Variants in COL5A1 observed in about 807,000 individuals in gnomAD.
COL5A1 encodes the protein collagen type V alpha 1 chain, also known as collagen alpha-1(V) chain.
In COL5A1, 16 loss-of-function variants were observed where a neutral mutation model predicts 263.7. The observed-to-expected ratio is 0.06, with a 90% CI of 0.04 to 0.09. The LOEUF is 0.09. Among genes scored for constraint, COL5A1 ranks in the 10% least tolerant of loss-of-function variants. The pLI is 1.00. For synonymous variants in COL5A1, 1,012 were observed against 1,004.5 expected (o/e 1.01, Z -0.14); for missense variants, 2,036 against 2,540.5 (o/e 0.80, Z 4.27).
Position 134,765,601 on chromosome 9 carries a change from G to A in COL5A1, c.2035-80G>A. 1.5e-6 allele frequency: 2 copies of A among 1,324,716 alleles called. No individual in the cohort carries two copies. Among genetic ancestry groups the A allele is most frequent in the East Asian group, 2.3e-5 (1 of 43,310 alleles). 82.1% of individuals were successfully genotyped at this position (1,324,716 alleles called of 1,614,324 possible). ...AGCTGGGGTTCTGGGTGGAGTCAGG[G>A]CCAAGTGGGCATAGGGGACAGAGAG... On this transcript the variant is annotated intron_variant, in intron 20 of 65. Transcript: ENST00000371817. The surrounding 1 kb of genome is among the most constrained non-coding windows in gnomAD (Gnocchi z 5.1).
At chr9:134,663,674 A>G (rs887193817) in intron 1 of COL5A1, among the ~76,000 whole-genome samples, 1 of 152,258 alleles carries the variant, frequency 6.6e-6, no homozygotes, top group Non-Finnish European at 1.5e-5. Context: ...AGAAGAAAGT[A>G]CAGAGGGAAA....
At chr9:134,796,153 C>T (rs995494314) in intron 34 of COL5A1, among the ~76,000 whole-genome samples, 1 of 152,214 alleles carries the variant, frequency 6.6e-6, no homozygotes. Context: ...GCCTTGTAGA[C>T]ACTGGGCTGT....
At chr9:134,732,764 G>A (rs943333143) in intron 9 of COL5A1, 4 of 162,406 alleles carry the variant, frequency 2.5e-5, no homozygotes, top group Non-Finnish European at 5.4e-5. Context: ...TGGGACTGTA[G>A]CGAGGACGTT....
At position 134,841,170 on chromosome 9, in the gene COL5A1, A is replaced by C. The variant is rs1840010815; in HGVS notation, c.5371-987A>C. ...GGAAGGAGATCCTTCCCAGGCCCAG[A>C]TCCAGCTGCGACTGTAAATCCAGTC... On this transcript the variant is annotated intron_variant, in intron 65 of 65. Transcript: ENST00000371817. This position sits in a 1 kb window ranked among gnomAD's most constrained non-coding sequence, Gnocchi z 4.8. Among the ~76,000 whole-genome samples the C allele has an allele frequency of 6.6e-6, 1 of 152,192 alleles. No individual in the cohort carries two copies. The highest frequency in any genetic ancestry group is 6.5e-5 in the Admixed American group (1 of 15,284).
intron 1 of COL5A1, among the ~76,000 whole-genome samples, chr9:134,687,093 C>T (rs553787063): frequency 1.9e-4 from 29 of 152,240 alleles, no homozygotes; most frequent in African/African-American, 6.3e-4. Flanking sequence ...CTGCCAATGC[C>T]GCCTGGTGCC....
At chr9:134,772,651 C>T (rs559019396) in intron 25 of COL5A1, 139 bp from the exon 26 acceptor site, 193 of 983,364 alleles carry the variant, frequency 2.0e-4, no homozygotes, top group African/African-American at 8.7e-4. Flanking sequence ...CAGCTGCCTT[C>T]GACTTCTGGT....
chr9:134,830,336 T>G, intron 64 of COL5A1: 1 of 710,268 alleles, frequency 1.4e-6, no homozygotes, highest in Middle Eastern at 4.0e-4. Context: ...TGTGGAGTCC[T>G]CTCCCCAGCC....
chr9:134,701,452 A>G, intron 4 of COL5A1, 119 bp downstream of exon 4: 2 of 991,478 alleles, frequency 2.0e-6, no homozygotes, highest in Non-Finnish European at 3.1e-6. Context: ...CACTGTGGTC[A>G]CCGTCTCTGT....
intron 11 of COL5A1, among the ~76,000 whole-genome samples, chr9:134,748,130 CACATGCAT>C (rs1170092375): frequency 3.5e-5 from 4 of 115,698 alleles, no homozygotes; most frequent in Non-Finnish European, 5.8e-5. Flanking sequence ...CATGCATCCA[CACATGCAT>C]ACACATGCAT....
chr9:134,709,153 G>A, intron 4 of COL5A1: 6 of 356,582 alleles, frequency 1.7e-5, no homozygotes, highest in South Asian at 8.3e-5. Flanking sequence ...TCGGGGCCAT[G>A]ATTCAGCCAC....
At chr9:134,697,650 A>G (rs1588446692) in intron 2 of COL5A1, among the ~76,000 whole-genome samples, 1 of 151,724 alleles carries the variant, frequency 6.6e-6, no homozygotes, top group South Asian at 2.1e-4. Flanking sequence ...TGCCCCATGC[A>G]CTCCCAGGGA....
intron 2 of COL5A1, among the ~76,000 whole-genome samples, chr9:134,699,012 C>A (rs1833577826): frequency 6.6e-6 from 1 of 152,218 alleles, no homozygotes; most frequent in South Asian, 2.1e-4. Flanking sequence ...TTAGGCCCAG[C>A]ACTTTTGGCT....
intron 1 of COL5A1, among the ~76,000 whole-genome samples, chr9:134,674,864 G>C (rs1272036618): frequency 6.6e-6 from 1 of 151,838 alleles, no homozygotes; most frequent in African/African-American, 2.4e-5. Flanking sequence ...CTGGGTAACA[G>C]AATGAGACTC....
At chr9:134,688,888 T>C (rs1032645952) in intron 1 of COL5A1, among the ~76,000 whole-genome samples, 1 of 152,036 alleles carries the variant, frequency 6.6e-6, no homozygotes, top group African/African-American at 2.4e-5. Context: ...GCTTCATGAA[T>C]GAGAAATGCG....
rs1831523325 is a variant in COL5A1 at position 134,647,737 on chromosome 9, C to T, written c.109+5441C>T. Among the ~76,000 whole-genome samples the T allele has an allele frequency of 6.6e-6, 1 of 152,218 alleles. No homozygotes were observed. On this transcript the variant is annotated intron_variant, in intron 1 of 65. Coordinates refer to ENST00000371817, the MANE Select transcript of COL5A1 (RefSeq NM_000093.5). The surrounding 1 kb of genome is among the most constrained non-coding windows in gnomAD (Gnocchi z 5.0). The stretch of plus-strand genomic sequence containing the variant: ...TCCGACAATTTCATGTCTTTTTAAA[C>T]TCCCGGGAGGGCGATGTTACATTAT...
rs774849517 is a variant in COL5A1 at position 134,805,213 on chromosome 9, C to T, written c.3257C>T (p.Ala1086Val). The change falls in exon 41 of 66, where the codon GCG (alanine) becomes GTG (valine). Residue 1086 changes from alanine (A) to valine (V), a missense_variant and splice_region_variant. Physicochemically the swap from Ala to Val is moderately conservative, Grantham distance 64 (BLOSUM62 0). Coordinates refer to ENST00000371817, the MANE Select transcript of COL5A1 (RefSeq NM_000093.5). ...NEGPPGPPGP[A>V]GSPGERGPAG... ...GGGCCCCCTGGCCCACCAGGCCCTGCGGTGAGTCAAAGCCTTTGTCCCATC... is the reference window on the plus strand; with the variant it reads ...GGGCCCCCTGGCCCACCAGGCCCTGTGGTGAGTCAAAGCCTTTGTCCCATC... The T allele has an allele frequency of 4.7e-5, 76 of 1,613,772 alleles. No individual in the cohort carries two copies. The highest frequency in any genetic ancestry group is 1.6e-4 in the East Asian group (7 of 44,882).
intron 4 of COL5A1, among the ~76,000 whole-genome samples, chr9:134,703,595 C>T (rs1171143095): frequency 6.6e-6 from 1 of 150,972 alleles, no homozygotes; most frequent in East Asian, 1.9e-4. Flanking sequence ...CGAGGCCCTG[C>T]CTCTGGATGG....
rs77176843 is a variant in COL5A1 at position 134,817,837 on chromosome 9, G to C, written c.4230+6G>C. On this transcript the variant is annotated splice_donor_region_variant and intron_variant, in intron 54 of 65. Transcript: ENST00000371817. Reference sequence around the variant, plus strand: ...AGGGAGAGAAAGGGGCCAAGGTAACGTGTTTTGGAGCCAGGCTGTGACCGC... The same window carrying C: ...AGGGAGAGAAAGGGGCCAAGGTAACCTGTTTTGGAGCCAGGCTGTGACCGC... 1.9e-6 allele frequency: 3 copies of C among 1,601,666 alleles called. No homozygotes were observed. In the South Asian group the frequency reaches 3.4e-5, roughly 18 times the overall value.
At chr9:134,819,488 A>C (rs1838905083) in intron 57 of COL5A1, among the ~76,000 whole-genome samples, 1 of 152,206 alleles carries the variant, frequency 6.6e-6, no homozygotes, top group African/African-American at 2.4e-5. Flanking sequence ...TTTATTTACA[A>C]ACATAAAAGG....
Sources: gnomAD v4.1 joint callset for allele counts (sites outside exome capture counted in the v4.1 genomes callset) on GRCh38, gnomAD v4.1.1 for gene constraint, Gnocchi (gnomAD v3.1) non-coding constraint, MANE v1.5 for transcripts, NCBI Gene and HGNC (gene_info 2026-07-23, HGNC 2026-07-21) for gene names.